NUFIP2: variants seen among roughly 807,000 people sequenced by gnomAD.
NUFIP2 encodes nuclear FMR1 interacting protein 2, also known as FMR1-interacting protein NUFIP2.
Under a neutral mutation model 56.9 loss-of-function variants are expected in NUFIP2, and 6 were observed. The observed-to-expected ratio is 0.11, with a 90% CI of 0.06 to 0.21. NUFIP2 has a LOEUF of 0.21. NUFIP2 is among the 10% of genes least tolerant of loss of function. The pLI, the probability that NUFIP2 is intolerant of heterozygous loss-of-function variation, is 1.00. For missense variants in NUFIP2, 828 were observed against 826.8 expected (o/e 1.00, Z -0.02); for synonymous variants, 321 against 298.2 (o/e 1.08, Z -0.79).
rs1306947235 is a variant in NUFIP2 at position 29,266,363 on chromosome 17, G to A, written c.2035+1135C>T. On this transcript the variant is annotated intron_variant, in intron 3 of 3. Transcript: ENST00000225388. ...AAAGAGCAACATTGGGAAATCAGGG[G>A]AAGCTACATTCTAGTCCTGCCACTT... Among the ~76,000 whole-genome samples the A allele has an allele frequency of 2.0e-5, 3 of 152,124 alleles. No individual in the cohort carries two copies. In the East Asian group the frequency reaches 5.8e-4, roughly 29 times the overall value.
In NUFIP2 at chr17:29,260,646, T is replaced by A. The variant is rs1455936025; in HGVS notation, c.*3893A>T. ...CTCTGATGTGGGGAAGCAACAAGCC[T>A]AACAACCAAGTATGATATTATCACT... On this transcript the variant is annotated 3_prime_UTR_variant, in exon 4 of 4. Coordinates refer to ENST00000225388, the MANE Select transcript of NUFIP2 (RefSeq NM_020772.3). 2.0e-5 allele frequency: 3 copies of A among 152,194 alleles called. No homozygotes were observed. The highest frequency in any genetic ancestry group is 4.4e-5 in the Non-Finnish European group (3 of 68,020). 9.4% of individuals were successfully genotyped at this position (152,194 alleles called of 1,614,324 possible). A position where few individuals can be genotyped will look rare whatever the true frequency, so the allele number is the denominator to read the frequency against.
rs202083699 is a variant in NUFIP2, at chr17:29,287,675, A to G, written c.319T>C (p.Ser107Pro). The change falls in exon 2 of 4, where the codon TCT (serine) becomes CCT (proline). Residue 107 changes from serine to proline, a missense_variant. Physicochemically the swap from Ser to Pro is moderately conservative, Grantham distance 74 (BLOSUM62 -1). Coordinates refer to ENST00000225388, the MANE Select transcript of NUFIP2 (RefSeq NM_020772.3). ...LNGNAGEREI[S>P]LKNLSSDEAT... ...TCATCAGAACTCAGGTTCTTTAAAG[A>G]TATTTCTCTTTCTCCAGCATTACCG... is the stretch of plus-strand genomic sequence containing the variant. 9 of 1,612,406 alleles carry G rather than the reference A, an allele frequency of 5.6e-6. No homozygotes were observed. The East Asian group carries it at 1.8e-4, about 32-fold the overall frequency.
chr17:29,285,825 A>G (rs1363734174), intron 2 of NUFIP2, among the ~76,000 whole-genome samples, 167 bp downstream of exon 2: 6 of 152,210 alleles, frequency 3.9e-5, no homozygotes, highest in Non-Finnish European at 7.3e-5. Context: ...TTTTAATCAT[A>G]CTAGTTCCAA....
chr17:29,285,660 A>G (rs2069168813), intron 2 of NUFIP2, among the ~76,000 whole-genome samples: 1 of 152,220 alleles, frequency 6.6e-6, no homozygotes, highest in South Asian at 2.1e-4. Flanking sequence ...CATATGTTCA[A>G]TAAAATTTTT....
chr17:29,268,667 G>A (rs1024182709), intron 2 of NUFIP2, among the ~76,000 whole-genome samples: 5 of 151,970 alleles, frequency 3.3e-5, no homozygotes, highest in South Asian at 2.1e-4. Flanking sequence ...ACAGGCATGC[G>A]CCACCATGCT....
intron 1 of NUFIP2, among the ~76,000 whole-genome samples, chr17:29,290,247 T>C (rs976071947): frequency 6.6e-6 from 1 of 152,172 alleles, no homozygotes; most frequent in Non-Finnish European, 1.5e-5. Context: ...TTAAAAATTT[T>C]TTGGCTGCTG....
chr17:29,273,045 CATAT>C (rs5819862), intron 2 of NUFIP2, among the ~76,000 whole-genome samples: 7 of 148,856 alleles, frequency 4.7e-5, no homozygotes, highest in South Asian at 2.1e-4. Flanking sequence ...CACACACACA[CATAT>C]ATATATATAG....
intron 2 of NUFIP2, among the ~76,000 whole-genome samples, chr17:29,269,775 C>G (rs1408230781): frequency 6.6e-6 from 1 of 151,994 alleles, no homozygotes; most frequent in Non-Finnish European, 1.5e-5. Context: ...GGCTGGAGTA[C>G]AGTGGCGCGA....
chr17:29,293,670 G>C, intron 1 of NUFIP2, 113 bp downstream of exon 1: 1 of 1,063,056 alleles, frequency 9.4e-7, no homozygotes, highest in South Asian at 1.9e-5. Flanking sequence ...AGCCGGAGGG[G>C]ACACACACAC....
intron 1 of NUFIP2, among the ~76,000 whole-genome samples, chr17:29,289,276 C>T (rs1375785088): frequency 1.3e-5 from 2 of 152,130 alleles, no homozygotes. Context: ...TTCATAAAAG[C>T]ATCTTGAGGT....
At chr17:29,291,339 C>A (rs1230100922) in intron 1 of NUFIP2, among the ~76,000 whole-genome samples, 1 of 152,094 alleles carries the variant, frequency 6.6e-6, no homozygotes, top group East Asian at 1.9e-4. Flanking sequence ...GCGCCCTCTT[C>A]TGGATTAAAA....
intron 1 of NUFIP2, among the ~76,000 whole-genome samples, chr17:29,290,598 G>A (rs1336213317): frequency 1.3e-5 from 2 of 150,350 alleles, no homozygotes; most frequent in African/African-American, 2.5e-5. Flanking sequence ...GCAGTGAGCC[G>A]AGATCATGCC....
chr17:29,277,411 C>T (rs2069114389), intron 2 of NUFIP2, among the ~76,000 whole-genome samples: 1 of 152,126 alleles, frequency 6.6e-6, no homozygotes, highest in South Asian at 2.1e-4. Flanking sequence ...AAACTGACTC[C>T]CACAACTGAG....
chr17:29,275,169 T>C (rs1412116167), intron 2 of NUFIP2, among the ~76,000 whole-genome samples: 2 of 152,064 alleles, frequency 1.3e-5, no homozygotes, highest in Non-Finnish European at 2.9e-5. Context: ...TATAGGCATA[T>C]GCCATCATAC....
At position 29,257,632 on chromosome 17, in the gene NUFIP2, G is replaced by C. The variant is rs1166088816; in HGVS notation, c.*6907C>G. On this transcript the variant is annotated 3_prime_UTR_variant, in exon 4 of 4. Transcript: ENST00000225388. ...TGCTTTTAACAAAATTTTTAAAGTT[G>C]GAAAGAGCTGATAACTTGGATCATA... The C allele has an allele frequency of 6.6e-6, 1 of 151,850 alleles. No individual in the cohort carries two copies. Among genetic ancestry groups the C allele is most frequent in the Non-Finnish European group, 1.5e-5 (1 of 67,954 alleles). 9.4% of individuals were successfully genotyped at this position (151,850 alleles called of 1,614,324 possible). A position where few individuals can be genotyped will look rare whatever the true frequency, so the allele number is the denominator to read the frequency against.
chr17:29,270,208 G>A (rs1369445576), intron 2 of NUFIP2, among the ~76,000 whole-genome samples: 2 of 151,180 alleles, frequency 1.3e-5, no homozygotes, highest in Non-Finnish European at 2.9e-5. Flanking sequence ...TCCAAGCTTA[G>A]TTGTATGGTA....
At chr17:29,270,899 C>T (rs1038374396) in intron 2 of NUFIP2, among the ~76,000 whole-genome samples, 1 of 152,068 alleles carries the variant, frequency 6.6e-6, no homozygotes, top group Non-Finnish European at 1.5e-5. Context: ...TTTTTCTTCC[C>T]CACTGGAAAC....
At position 29,287,073 on chromosome 17, in the gene NUFIP2, T is replaced by C; in HGVS notation, c.921A>G (p.Lys307=). 1 of 1,614,130 alleles carries C rather than the reference T, an allele frequency of 6.2e-7. No homozygotes were observed. Among genetic ancestry groups the C allele is most frequent in the Non-Finnish European group, 8.5e-7 (1 of 1,180,018 alleles). The change falls in exon 2 of 4, where the codon AAA becomes AAG. Residue 307 remains lysine, a synonymous_variant. Transcript: ENST00000225388. ...CAAACTTTTTGCTGCTCACACCAGGTTTACTATCTGAGCTTTTCCGAAGCA... is the reference window on the plus strand; with the variant it reads ...CAAACTTTTTGCTGCTCACACCAGGCTTACTATCTGAGCTTTTCCGAAGCA... ...GDMLRKSSDS[K]PGVSSKKFDD...
At chr17:29,288,280 T>C (rs1411135795) in intron 1 of NUFIP2, among the ~76,000 whole-genome samples, 2 of 152,208 alleles carry the variant, frequency 1.3e-5, no homozygotes, top group Non-Finnish European at 2.9e-5. Flanking sequence ...CTCCTGACCT[T>C]GTGATCCGCC....
Sources: gnomAD v4.1 joint callset for allele counts (sites outside exome capture counted in the v4.1 genomes callset) on GRCh38, gnomAD v4.1.1 for gene constraint, MANE v1.5 for transcripts, NCBI Gene and HGNC (gene_info 2026-07-23, HGNC 2026-07-21) for gene names.